Variants in RTN4R observed in about 807,000 individuals in gnomAD.
RTN4R encodes reticulon 4 receptor.
In RTN4R, 4 loss-of-function variants were observed where a neutral mutation model predicts 27.7. The observed-to-expected ratio is 0.14, with a 90% confidence interval of 0.07 to 0.33. The LOEUF is 0.33. Ranked by LOEUF, RTN4R falls within the 10% of genes least tolerant of loss-of-function variation. The probability of loss-of-function intolerance (pLI) is 1.00; values close to 1 mark genes in which losing one functional copy is unlikely to be tolerated. For synonymous variants in RTN4R, 290 were observed against 305.6 expected, an observed-to-expected ratio of 0.95 and a Z score of 0.53; for missense variants, 554 against 671.5, an observed-to-expected ratio of 0.83 and a Z score of 1.93.
intron 1 of RTN4R, among the ~76,000 whole-genome samples, chr22:20,245,489 A>G (rs1022133644): frequency 6.6e-6 from 1 of 152,128 alleles, no homozygotes; most frequent in Non-Finnish European, 1.5e-5. Flanking sequence ...AGACGCAGCC[A>G]GGTGGGGGGA....
intron 1 of RTN4R, among the ~76,000 whole-genome samples, chr22:20,265,871 G>A (rs567321175): frequency 7.4e-4 from 113 of 152,354 alleles, no homozygotes; most frequent in Middle Eastern, 3.4e-3. Flanking sequence ...GCCTCAGCCT[G>A]GAAGTGCCCC....
At chr22:20,243,730 G>C (rs2051123862) in intron 1 of RTN4R, 1 of 350,160 alleles carries the variant, frequency 2.9e-6, no homozygotes, top group Non-Finnish European at 5.9e-6. Context: ...CCCTCCTGAA[G>C]CCTCCGCCCC....
rs1569044597 is a variant in RTN4R at position 20,268,287 on chromosome 22, CGCA to C, written c.-198_-196del. 2.5e-4 allele frequency: 37 copies of C among 148,138 alleles called. No homozygotes were observed. The highest frequency in any genetic ancestry group is 3.9e-4 in the Non-Finnish European group (26 of 67,270). The allele number at this position is 148,138 out of a possible 1,614,324, so 9.2% of individuals were successfully genotyped here. ...CCGCGGGTGCGCAGGGCGCGCAGGG[CGCA>C]CAGGGCGAGGGCGGCGGCGGCGCGG... On this transcript the variant is annotated 5_prime_UTR_variant, in exon 1 of 2. Coordinates refer to ENST00000043402, the MANE Select transcript of RTN4R (RefSeq NM_023004.6).
intron 1 of RTN4R, among the ~76,000 whole-genome samples, chr22:20,247,504 C>T (rs371709039): frequency 6.5e-5 from 9 of 138,704 alleles, no homozygotes; most frequent in East Asian, 5.2e-4. Flanking sequence ...CCCCGATCCT[C>T]GCTTGCTTCT....
intron 1 of RTN4R, 184 bp from the exon 2 acceptor site, chr22:20,243,294 G>A (rs1350202659): frequency 1.2e-5 from 8 of 685,010 alleles, no homozygotes; most frequent in South Asian, 3.3e-5. Context: ...CCTCATGGAC[G>A]ATGCTGGGCT....
intron 1 of RTN4R, among the ~76,000 whole-genome samples, chr22:20,253,561 A>C (rs2051196291): frequency 6.6e-6 from 1 of 152,222 alleles, no homozygotes; most frequent in South Asian, 2.1e-4. Context: ...GGGCAGAAGA[A>C]AAGCTCCATC....
At chr22:20,267,797 C>T in intron 1 of RTN4R, 1 of 384,686 alleles carries the variant, frequency 2.6e-6, no homozygotes, top group South Asian at 2.2e-5. Context: ...GGCCCAGCAT[C>T]GGGGACCCTC....
rs560981136 is a variant in RTN4R at position 20,255,832 on chromosome 22, C to T, written c.22+12239G>A. On this transcript the variant is annotated intron_variant, in intron 1 of 1. Coordinates refer to ENST00000043402, the MANE Select transcript of RTN4R (RefSeq NM_023004.6). The surrounding 1 kb of genome is among the most constrained non-coding windows in gnomAD (Gnocchi z 4.8). The stretch of plus-strand genomic sequence containing the variant: ...TAGCACTGGGGTGGGTGTGCAGCCC[C>T]CAGCCTCCTTTCTGACCGTGCACAC... Among the ~76,000 whole-genome samples the T allele has an allele frequency of 1.3e-5, 2 of 152,346 alleles. No homozygotes were observed. The highest frequency in any genetic ancestry group is 4.8e-5 in the African/African-American group (2 of 41,592).
At chr22:20,266,717 G>C (rs553129010) in intron 1 of RTN4R, among the ~76,000 whole-genome samples, 47 of 152,268 alleles carry the variant, frequency 3.1e-4, no homozygotes, top group African/African-American at 1.0e-3. Flanking sequence ...GGTATTCAAC[G>C]AGCCCCCAAC....
At chr22:20,252,767 A>G (rs899604565) in intron 1 of RTN4R, among the ~76,000 whole-genome samples, 4 of 152,120 alleles carry the variant, frequency 2.6e-5, no homozygotes, top group African/African-American at 9.7e-5. Flanking sequence ...GATGGCTGAA[A>G]GTGGGCCCTG....
Position 20,255,703 on chromosome 22 carries a change from G to A in RTN4R, c.22+12368C>T, listed in dbSNP as rs148925716. Among the ~76,000 whole-genome samples the A allele has an allele frequency of 2.3e-3, 320 of 139,158 alleles. 2 individuals carry two copies. Among genetic ancestry groups the A allele is most frequent in the Middle Eastern group, 7.0e-3 (2 of 284 alleles). 91.3% of individuals were successfully genotyped at this position (139,158 alleles called of 152,430 possible). A position where few individuals can be genotyped will look rare whatever the true frequency, so the allele number is the denominator to read the frequency against. On this transcript the variant is annotated intron_variant, in intron 1 of 1. Transcript: ENST00000043402. This position sits in a 1 kb window ranked among gnomAD's most constrained non-coding sequence, Gnocchi z 4.8. ...CCCTGGATTCCCCTTACCCCTGCCC[G>A]CTCCTGTCCCCTCCTTGTCACAGAT...
At chr22:20,257,831 C>T (rs1174948843) in intron 1 of RTN4R, among the ~76,000 whole-genome samples, 1 of 152,136 alleles carries the variant, frequency 6.6e-6, no homozygotes, top group Non-Finnish European at 1.5e-5. Context: ...TGGCAGGAGC[C>T]CCCTCCATGA....
At chr22:20,253,550 T>G (rs1430632621) in intron 1 of RTN4R, among the ~76,000 whole-genome samples, 1 of 152,134 alleles carries the variant, frequency 6.6e-6, no homozygotes, top group African/African-American at 2.4e-5. Context: ...CCAGGGCCGA[T>G]GGGCAGAAGA....
rs528301740 is a variant in RTN4R, at chr22:20,246,357, G to C, written c.23-3247C>G. ...AGTCCAGGACGCATCCCCCTGACGGGAGCAACAGGCAGCCCAGGTGGGCAC... is the reference window on the plus strand; with the variant it reads ...AGTCCAGGACGCATCCCCCTGACGGCAGCAACAGGCAGCCCAGGTGGGCAC... On this transcript the variant is annotated intron_variant, in intron 1 of 1. Coordinates refer to ENST00000043402, the MANE Select transcript of RTN4R (RefSeq NM_023004.6). Among the ~76,000 whole-genome samples the C allele has an allele frequency of 9.8e-5, 15 of 152,334 alleles. No individual in the cohort carries two copies. In the East Asian group the frequency reaches 2.5e-3, roughly 25 times the overall value.
At chr22:20,245,997 A>G (rs1399830994) in intron 1 of RTN4R, among the ~76,000 whole-genome samples, 1 of 152,204 alleles carries the variant, frequency 6.6e-6, no homozygotes, top group Non-Finnish European at 1.5e-5. Flanking sequence ...TCAGCCTCCA[A>G]GCTGCACACA....
chr22:20,256,120 A>G (rs1384195110), intron 1 of RTN4R, among the ~76,000 whole-genome samples: 2 of 152,196 alleles, frequency 1.3e-5, no homozygotes, highest in Non-Finnish European at 2.9e-5. Flanking sequence ...CTACTTCCTG[A>G]GGCTGATGCG....
At chr22:20,249,777 T>A (rs1449531697) in intron 1 of RTN4R, among the ~76,000 whole-genome samples, 1 of 152,178 alleles carries the variant, frequency 6.6e-6, no homozygotes, top group African/African-American at 2.4e-5. Context: ...CCCTCAGCAT[T>A]TGTAAAACAT....
chr22:20,245,522 AG>A (rs2051135470), intron 1 of RTN4R, among the ~76,000 whole-genome samples: 1 of 152,014 alleles, frequency 6.6e-6, no homozygotes, highest in Non-Finnish European at 1.5e-5. Flanking sequence ...ACCCCATCCC[AG>A]GGGCCAGACT....
rs73879308 is a variant in RTN4R, at chr22:20,261,384, C to T, written c.22+6687G>A. On this transcript the variant is annotated intron_variant, in intron 1 of 1. Transcript: ENST00000043402. Reference sequence around the variant, plus strand: ...AGGAAAGGGCGTGCAAGGGGCCTGGCCTGGAAGAAGGGGTCCCTGGAGCCA... The same window carrying T: ...AGGAAAGGGCGTGCAAGGGGCCTGGTCTGGAAGAAGGGGTCCCTGGAGCCA... Among the ~76,000 whole-genome samples, 1,228 of 152,296 alleles carry T rather than the reference C, an allele frequency of 8.1e-3. 8 individuals carry two copies. The highest frequency in any genetic ancestry group is 0.028 in the African/African-American group (1,160 of 41,550).
Sources: gnomAD v4.1 joint callset for allele counts (sites outside exome capture counted in the v4.1 genomes callset) on GRCh38, gnomAD v4.1.1 for gene constraint, Gnocchi (gnomAD v3.1) non-coding constraint, MANE v1.5 for transcripts, NCBI Gene and HGNC (gene_info 2026-07-23, HGNC 2026-07-21) for gene names.